Variants in INO80D observed in about 807,000 individuals in gnomAD.
The protein encoded by INO80D is INO80 complex subunit D.
Under a neutral mutation model 87.6 loss-of-function variants are expected in INO80D, and 21 were observed. The observed-to-expected ratio is 0.24, with a 90% CI of 0.17 to 0.35. The LOEUF (loss-of-function observed/expected upper bound fraction) is 0.35. Ranked by LOEUF, INO80D falls within the 10% of genes least tolerant of loss-of-function variation. INO80D has a pLI of 1.00. For synonymous variants in INO80D, 440 were observed against 491.0 expected (o/e 0.90, Z 1.37); for missense variants, 982 against 1,280.7 (o/e 0.77, Z 3.56).
intron 3 of INO80D, among the ~76,000 whole-genome samples, chr2:206,057,899 T>TAAAA (rs112491612): frequency 7.1e-6 from 1 of 140,160 alleles, no homozygotes. Flanking sequence ...GTGGAAAGTT[T>TAAAA]AAAAAAAAAA....
intron 5 of INO80D, among the ~76,000 whole-genome samples, chr2:206,034,480 CA>C (rs1171043729): frequency 6.6e-6 from 1 of 152,054 alleles, no homozygotes; most frequent in Non-Finnish European, 1.5e-5. Flanking sequence ...TAAACAGAAT[CA>C]AAAATAAAAA....
At position 205,993,800 on chromosome 2, in the gene INO80D, T is replaced by C. The variant is rs1034197655; in HGVS notation, c.*10568A>G. The C allele has an allele frequency of 4.6e-5, 7 of 152,138 alleles. No individual in the cohort carries two copies. Among genetic ancestry groups the C allele is most frequent in the African/African-American group, 1.7e-4 (7 of 41,422 alleles). The allele number at this position is 152,138 out of a possible 1,614,324, so 9.4% of individuals were successfully genotyped here. Reference sequence around the variant, plus strand: ...TGTCACACTATATACAGATAATACATACAGTGTTTCATACACATATTACAT... The same window carrying C: ...TGTCACACTATATACAGATAATACACACAGTGTTTCATACACATATTACAT... On this transcript the variant is annotated 3_prime_UTR_variant, in exon 11 of 11. Coordinates refer to ENST00000403263, the MANE Select transcript of INO80D (RefSeq NM_017759.5).
At chr2:206,019,295 C>T (rs1345297814) in intron 7 of INO80D, among the ~76,000 whole-genome samples, 1 of 152,186 alleles carries the variant, frequency 6.6e-6, no homozygotes, top group Admixed American at 6.5e-5. Flanking sequence ...TCATTCATTT[C>T]AAATCAGCAC....
At chr2:206,026,731 T>G (rs995544288) in intron 6 of INO80D, among the ~76,000 whole-genome samples, 2 of 150,990 alleles carry the variant, frequency 1.3e-5, no homozygotes, top group East Asian at 3.9e-4. Flanking sequence ...TTGTATTTTT[T>G]AAAAATTTTA....
rs35342051 is a variant in INO80D, at chr2:206,028,257, G to A, written c.1152C>T (p.His384=). ...ATTCTGCCCGCTCCAGGCGGCAGAGGTGCTTATATTTCTGCTGAAAGTAAG... is the reference window on the plus strand; with the variant it reads ...ATTCTGCCCGCTCCAGGCGGCAGAGATGCTTATATTTCTGCTGAAAGTAAG... The part of the protein sequence containing the change: ...LCTYFQQKYK[H]LCRLERAESR... The change falls in exon 6 of 11, where the codon CAC becomes CAT. Residue 384 remains histidine (H), a synonymous_variant. Transcript: ENST00000403263. 57 of 1,613,236 alleles carry A rather than the reference G, an allele frequency of 3.5e-5. No individual in the cohort carries two copies. The highest frequency in any genetic ancestry group is 3.3e-5 in the South Asian group (3 of 91,066).
chr2:206,007,197 T>A, intron 10 of INO80D, 87 bp downstream of exon 10: 2 of 1,142,044 alleles, frequency 1.8e-6, no homozygotes, highest in Non-Finnish European at 2.5e-6. Flanking sequence ...TGAGGAGGAA[T>A]ATGATAAACA....
At chr2:206,065,211 C>G (rs1319414103) in intron 1 of INO80D, among the ~76,000 whole-genome samples, 6 of 152,198 alleles carry the variant, frequency 3.9e-5, no homozygotes, top group Non-Finnish European at 8.8e-5. Context: ...TGGCTCATGC[C>G]TGTAATCCCA....
In INO80D at chr2:206,005,425, T is replaced by C; in HGVS notation, c.2027A>G (p.Gln676Arg). The stretch of plus-strand genomic sequence containing the variant: ...CTCCTGGACTGGCACACCATCTGAC[T>C]GGGCAAGGACCCCAATGGTACTCAG... ...ECLSTIGVLA[Q>R]SDGVPVQELS... The change falls in exon 11 of 11, where the codon CAG becomes CGG. Residue 676 changes from glutamine (Q) to arginine (R), a missense_variant. Gln to Arg is a conservative substitution (Grantham distance 43, BLOSUM62 1). Coordinates refer to ENST00000403263, the MANE Select transcript of INO80D (RefSeq NM_017759.5). 6.2e-7 allele frequency: 1 copy of C among 1,613,972 alleles called. No homozygotes were observed. Among genetic ancestry groups the C allele is most frequent in the Non-Finnish European group, 8.5e-7 (1 of 1,179,898 alleles).
intron 1 of INO80D, among the ~76,000 whole-genome samples, chr2:206,073,694 T>C (rs1690032287): frequency 6.6e-6 from 1 of 152,062 alleles, no homozygotes; most frequent in African/African-American, 2.4e-5. Flanking sequence ...TTCATATTTT[T>C]AGTAGATATG....
rs1689705169 is a variant in INO80D, at chr2:206,062,111, T to C, written c.218+688A>G. Among the ~76,000 whole-genome samples, 1 of 152,234 alleles carries C rather than the reference T, an allele frequency of 6.6e-6. No homozygotes were observed. Among genetic ancestry groups the C allele is most frequent in the Non-Finnish European group, 1.5e-5 (1 of 68,028 alleles). On this transcript the variant is annotated intron_variant, in intron 3 of 10. Transcript: ENST00000403263. The surrounding 1 kb of genome is among the most constrained non-coding windows in gnomAD (Gnocchi z 4.6). Reference sequence around the variant, plus strand: ...ACTCTTTTCTAAATTTAGCGAAGCATAAACTCATCATTCTAGTGGCAAAAC... The same window carrying C: ...ACTCTTTTCTAAATTTAGCGAAGCACAAACTCATCATTCTAGTGGCAAAAC...
intron 5 of INO80D, among the ~76,000 whole-genome samples, chr2:206,039,243 C>T (rs1336805825): frequency 6.6e-6 from 1 of 151,766 alleles, no homozygotes; most frequent in African/African-American, 2.4e-5. Flanking sequence ...ACTAAAAATA[C>T]GAAATTAGCC....
chr2:206,042,907 G>C (rs7578894), intron 5 of INO80D, among the ~76,000 whole-genome samples: 12,445 of 152,192 alleles, frequency 0.082, 602 homozygotes, highest in African/African-American at 0.12. Context: ...AGGAAGTCAA[G>C]GCTGCAGTGA....
rs1016012860 is a variant in INO80D, at chr2:206,056,341, G to A, written c.821C>T (p.Thr274Ile). 2 of 1,613,864 alleles carry A rather than the reference G, an allele frequency of 1.2e-6. No individual in the cohort carries two copies. Among genetic ancestry groups the A allele is most frequent in the African/African-American group, 1.3e-5 (1 of 74,924 alleles). ...CCGGTCAGTCCTGGGTGGGTCCACA[G>A]TGGGAGCCCTACTGGATGGCAGGAG... ...LPLLPSSRAPTVDPPRTDRIL... is the reference protein window; with the variant it reads ...LPLLPSSRAPIVDPPRTDRIL... Residue 274 changes from threonine to isoleucine, a missense_variant, in exon 4 of 11, where the codon ACT becomes ATT. Physicochemically the swap from Thr to Ile is moderately conservative, Grantham distance 89 (BLOSUM62 -1). Coordinates refer to ENST00000403263, the MANE Select transcript of INO80D (RefSeq NM_017759.5).
chr2:206,067,821 T>A (rs1166728170), intron 1 of INO80D, among the ~76,000 whole-genome samples: 4 of 152,108 alleles, frequency 2.6e-5, no homozygotes, highest in Non-Finnish European at 5.9e-5. Context: ...TCTGTAGGTA[T>A]GAGAGCATTT....
In INO80D at chr2:205,998,439, GTTTGT is replaced by G. The variant is rs1687846084; in HGVS notation, c.*5924_*5928del. 1.2e-5 allele frequency: 1 copy of G among 85,146 alleles called. No individual in the cohort carries two copies. Among genetic ancestry groups the G allele is most frequent in the African/African-American group, 4.7e-5 (1 of 21,202 alleles). The allele number at this position is 85,146 out of a possible 1,614,324, so 5.3% of individuals were successfully genotyped here. On this transcript the variant is annotated 3_prime_UTR_variant, in exon 11 of 11. Transcript: ENST00000403263. Reference sequence around the variant, plus strand: ...TCCAGTGTAAAAAGGTGCTTCACTAGTTTGTTTTGTCAAAAAAAAAAAAAAAAAAA... The same window carrying G: ...TCCAGTGTAAAAAGGTGCTTCACTAGTTTGTCAAAAAAAAAAAAAAAAAAA...
chr2:206,046,699 C>T, intron 4 of INO80D, 87 bp from the exon 5 acceptor site: 5 of 780,548 alleles, frequency 6.4e-6, no homozygotes, highest in Non-Finnish European at 1.1e-5. Flanking sequence ...ATAACATAAC[C>T]CAACATACCT....
At chr2:206,074,464 T>C (rs1187367232) in intron 1 of INO80D, among the ~76,000 whole-genome samples, 1 of 151,978 alleles carries the variant, frequency 6.6e-6, no homozygotes, top group Non-Finnish European at 1.5e-5. Flanking sequence ...CACACAAAAA[T>C]TAGCCGGGCA....
chr2:206,041,768 T>G (rs1269206311), intron 5 of INO80D, among the ~76,000 whole-genome samples: 3 of 152,194 alleles, frequency 2.0e-5, no homozygotes, highest in African/African-American at 7.2e-5. Context: ...TAGAAATCAG[T>G]ATCTGGGAAA....
In INO80D at chr2:206,079,067, T is replaced by C. The variant is rs569096331; in HGVS notation, c.-124+6834A>G. 1.3e-4 allele frequency among the ~76,000 whole-genome samples: 20 copies of C among 152,244 alleles called. 1 individual carries two copies. Among genetic ancestry groups the C allele is most frequent in the Non-Finnish European group, 1.6e-4 (11 of 68,012 alleles). On this transcript the variant is annotated intron_variant, in intron 1 of 10. Coordinates refer to ENST00000403263, the MANE Select transcript of INO80D (RefSeq NM_017759.5). The stretch of plus-strand genomic sequence containing the variant: ...GTGTGGGTCAAACAAAACATTTCTA[T>C]AGGCTTTATCTTTTTTTTTTTCTGA...
Sources: allele counts gnomAD v4.1 joint callset (sites outside exome capture counted in the v4.1 genomes callset), GRCh38; gene constraint gnomAD v4.1.1; non-coding constraint Gnocchi (gnomAD v3.1); transcripts MANE v1.5; gene names NCBI Gene and HGNC (gene_info 2026-07-23, HGNC 2026-07-21).